Variants in RBFOX1 observed in about 807,000 individuals in gnomAD.
The protein encoded by RBFOX1 is RNA binding fox-1 homolog 1, also known as RNA binding protein fox-1 homolog 1.
A neutral mutation model predicts 57.7 loss-of-function variants in RBFOX1; 8 were observed. The ratio of observed to expected loss-of-function variants is 0.14; its 90% CI spans 0.08 to 0.25. The LOEUF (loss-of-function observed/expected upper bound fraction) is 0.25. Among genes scored for constraint, RBFOX1 ranks in the 10% least tolerant of loss-of-function variants. The pLI is 1.00. For missense variants in RBFOX1, 611 were observed against 548.5 expected (o/e 1.11, Z -1.14); for synonymous variants, 326 against 222.4 (o/e 1.47, Z -4.15).
At chr16:6,448,105 T>A (rs1315937813) in intron 2 of RBFOX1, among the ~76,000 whole-genome samples, 1 of 151,744 alleles carries the variant, frequency 6.6e-6, no homozygotes, top group Admixed American at 6.6e-5. Flanking sequence ...TTGGTTTTTT[T>A]ATAACATATA....
chr16:7,407,596 C>G (rs1472822002), intron 4 of RBFOX1, among the ~76,000 whole-genome samples: 1 of 152,020 alleles, frequency 6.6e-6, no homozygotes, highest in African/African-American at 2.4e-5. Flanking sequence ...AAGGTAAGAG[C>G]AGTGTTCAAT....
At chr16:5,787,678 G>A (rs1433104593) in intron 3 of RBFOX1, among the ~76,000 whole-genome samples, 1 of 152,206 alleles carries the variant, frequency 6.6e-6, no homozygotes, top group Non-Finnish European at 1.5e-5. Flanking sequence ...AGAGGGTTTG[G>A]CAGCATGGAG....
At chr16:6,069,316 T>C (rs1321107133) in intron 1 of RBFOX1, among the ~76,000 whole-genome samples, 1 of 149,540 alleles carries the variant, frequency 6.7e-6, no homozygotes, top group Non-Finnish European at 1.5e-5. Flanking sequence ...GAGAATCACT[T>C]GAACCTGGAA....
intron 3 of RBFOX1, among the ~76,000 whole-genome samples, chr16:6,801,511 T>C (rs1363335333): frequency 2.0e-5 from 3 of 152,130 alleles, no homozygotes; most frequent in African/African-American, 7.2e-5. Flanking sequence ...AAAATTCTGC[T>C]TGTCATGGGT....
chr16:6,348,576 A>G (rs907756360), intron 2 of RBFOX1, among the ~76,000 whole-genome samples: 3 of 152,204 alleles, frequency 2.0e-5, no homozygotes, highest in Non-Finnish European at 4.4e-5. Context: ...CACGCTGTAC[A>G]GGAAAGATGG....
chr16:6,471,538 T>A (rs1048923387), intron 2 of RBFOX1, among the ~76,000 whole-genome samples: 1 of 151,272 alleles, frequency 6.6e-6, no homozygotes, highest in African/African-American at 2.4e-5. Context: ...TATATTTCTG[T>A]GACATTCTCA....
At chr16:6,669,459 G>T (rs763342079) in intron 3 of RBFOX1, among the ~76,000 whole-genome samples, 11 of 152,112 alleles carry the variant, frequency 7.2e-5, no homozygotes, top group African/African-American at 1.7e-4. Context: ...ATCAACCAGA[G>T]GTTTTTCATA....
In RBFOX1 at chr16:7,271,986, G is replaced by A. The variant is rs559380308; in HGVS notation, c.27+219888G>A. ...ACCACCTATTCCCCTCTTGTTACTC[G>A]GACCTCTTTGAAGTCATCATAGTGT... is the stretch of plus-strand genomic sequence containing the variant. On this transcript the variant is annotated intron_variant, in intron 4 of 15. Transcript: ENST00000550418. Among the ~76,000 whole-genome samples, 117 of 151,960 alleles carry A rather than the reference G, an allele frequency of 7.7e-4. 1 individual carries two copies. Among genetic ancestry groups the A allele is most frequent in the Non-Finnish European group, 1.4e-3 (98 of 68,006 alleles).
chr16:5,318,348 C>G (rs2064300570), intron 1 of RBFOX1, among the ~76,000 whole-genome samples: 2 of 152,038 alleles, frequency 1.3e-5, no homozygotes, highest in Admixed American at 6.6e-5. Context: ...AGGCTGGTCT[C>G]AAACTCCTGA....
chr16:7,531,353 C>G (rs910361330), intron 5 of RBFOX1, among the ~76,000 whole-genome samples: 1 of 152,158 alleles, frequency 6.6e-6, no homozygotes, highest in Non-Finnish European at 1.5e-5. Flanking sequence ...TGAGCTCATA[C>G]TGGGTACCCA....
chr16:7,139,433 G>A (rs548807698), intron 4 of RBFOX1, among the ~76,000 whole-genome samples: 1 of 152,222 alleles, frequency 6.6e-6, no homozygotes, highest in South Asian at 2.1e-4. Flanking sequence ...GACAAAGAGG[G>A]TCCTATATAC....
At chr16:6,648,952 T>G (rs899864433) in intron 2 of RBFOX1, among the ~76,000 whole-genome samples, 4 of 152,210 alleles carry the variant, frequency 2.6e-5, no homozygotes, top group Admixed American at 2.6e-4. Context: ...CAACGTCATT[T>G]TTTTGTGGTT....
intron 2 of RBFOX1, among the ~76,000 whole-genome samples, chr16:5,567,873 G>T (rs994629460): frequency 1.3e-5 from 2 of 152,180 alleles, no homozygotes; most frequent in African/African-American, 4.8e-5. Flanking sequence ...AAGTAGGGTT[G>T]TTACCCCATT....
At chr16:7,406,404 A>G (rs1406731225) in intron 4 of RBFOX1, among the ~76,000 whole-genome samples, 1 of 152,140 alleles carries the variant, frequency 6.6e-6, no homozygotes, top group Non-Finnish European at 1.5e-5. Flanking sequence ...CCTGGCTACT[A>G]CGTATGGGAG....
intron 2 of RBFOX1, among the ~76,000 whole-genome samples, chr16:5,556,924 C>A (rs1194371481): frequency 1.3e-5 from 2 of 152,162 alleles, no homozygotes; most frequent in Admixed American, 1.3e-4. Context: ...ACTCCTTCAG[C>A]TTTGCTGAAG....
At chr16:6,550,068 A>G (rs1020273536) in intron 2 of RBFOX1, among the ~76,000 whole-genome samples, 1 of 152,188 alleles carries the variant, frequency 6.6e-6, no homozygotes, top group Non-Finnish European at 1.5e-5. Flanking sequence ...GACTGAATCT[A>G]AAATGCTGTT....
intron 3 of RBFOX1, among the ~76,000 whole-genome samples, chr16:5,663,322 C>T (rs1206093771): frequency 6.6e-6 from 1 of 151,986 alleles, no homozygotes; most frequent in Admixed American, 6.6e-5. Flanking sequence ...GAGGTCTTTC[C>T]ATTTCCCAGG....
chr16:5,442,796 C>G (rs746063750), intron 1 of RBFOX1, among the ~76,000 whole-genome samples: 3 of 152,200 alleles, frequency 2.0e-5, no homozygotes, highest in Non-Finnish European at 4.4e-5. Flanking sequence ...GGACTGAATA[C>G]TGTCTCTTCC....
At chr16:7,181,207 C>G (rs573780370) in intron 4 of RBFOX1, among the ~76,000 whole-genome samples, 11 of 152,186 alleles carry the variant, frequency 7.2e-5, no homozygotes, top group African/African-American at 2.7e-4. Flanking sequence ...GTCACAATCT[C>G]TCTAGATGTT....
Sources: allele counts gnomAD v4.1 joint callset (sites outside exome capture counted in the v4.1 genomes callset), GRCh38; gene constraint gnomAD v4.1.1; transcripts MANE v1.5; gene names NCBI Gene and HGNC (gene_info 2026-07-23, HGNC 2026-07-21).